DIS3: variants seen among roughly 807,000 people sequenced by gnomAD.
DIS3 encodes DIS3 exosome endoribonuclease and 3'-5' exoribonuclease.
DIS3 carries 103 observed loss-of-function variants against 113.0 expected under a neutral mutation model. The ratio of observed to expected loss-of-function variants is 0.91; its 90% confidence interval spans 0.78 to 1.07. The LOEUF is 1.07. Among genes scored for constraint, DIS3 ranks in the 50% least tolerant of loss-of-function variants. The probability of loss-of-function intolerance (pLI) is 0.00; values close to 1 mark genes in which losing one functional copy is unlikely to be tolerated. For synonymous variants in DIS3, 402 were observed against 394.3 expected, an observed-to-expected ratio of 1.02 and a Z score of -0.23; for missense variants, 1,121 against 1,167.1, an observed-to-expected ratio of 0.96 and a Z score of 0.58.
At chr13:72,771,769 T>TA (rs757905839) in intron 11 of DIS3, 26 bp downstream of exon 11, 1 of 1,605,894 alleles carries the variant, frequency 6.2e-7, no homozygotes, top group Non-Finnish European at 8.5e-7. Context: ...CCATGACTGT[T>TA]AAATTTTTAA....
rs1449766748 is a variant in DIS3, at chr13:72,768,713, T to C, written c.1883+72A>G. 11 of 1,187,884 alleles carry C rather than the reference T, an allele frequency of 9.3e-6. No individual in the cohort carries two copies. In the African/African-American group the frequency reaches 1.4e-4, roughly 15 times the overall value. 73.6% of individuals were successfully genotyped at this position (1,187,884 alleles called of 1,614,324 possible). On this transcript the variant is annotated intron_variant, in intron 14 of 20. Coordinates refer to ENST00000377767, the MANE Select transcript of DIS3 (RefSeq NM_014953.5). ...GTCTCTATTCACCCTTTTAAATAAT[T>C]CATCATTGCCTATGATCAAACAATG... is the stretch of plus-strand genomic sequence containing the variant.
At chr13:72,779,962 G>A (rs1355768100) in intron 2 of DIS3, among the ~76,000 whole-genome samples, 3 of 151,980 alleles carry the variant, frequency 2.0e-5, no homozygotes, top group Admixed American at 6.6e-5. Context: ...GTAATATAAC[G>A]TAATAGGCAA....
chr13:72,769,587 T>A (rs2033838339), intron 13 of DIS3, among the ~76,000 whole-genome samples: 1 of 151,908 alleles, frequency 6.6e-6, no homozygotes. Flanking sequence ...TCAGGTCGGA[T>A]TCCTGGGAGA....
chr13:72,776,114 A>G, intron 4 of DIS3, 22 bp from the exon 5 acceptor site: 1 of 1,574,800 alleles, frequency 6.4e-7, no homozygotes, highest in Non-Finnish European at 8.6e-7. Flanking sequence ...GCAAACCAAA[A>G]GATGCCGCTA....
intron 2 of DIS3, among the ~76,000 whole-genome samples, chr13:72,780,083 T>G (rs1032498041): frequency 6.6e-6 from 1 of 151,986 alleles, no homozygotes; most frequent in African/African-American, 2.4e-5. Flanking sequence ...ATCCCACCAC[T>G]TTGAGAGGCT....
chr13:72,772,861 A>G (rs1331650916), intron 8 of DIS3, 22 bp from the exon 9 acceptor site: 8 of 1,569,438 alleles, frequency 5.1e-6, no homozygotes, highest in African/African-American at 1.4e-5. Flanking sequence ...AGGCATTATT[A>G]GAAACGCCTA....
chr13:72,776,884 C>T (rs530706889), intron 4 of DIS3, among the ~76,000 whole-genome samples: 1 of 152,340 alleles, frequency 6.6e-6, no homozygotes, highest in East Asian at 1.9e-4. Context: ...AATACCATTT[C>T]CAATCATTCT....
chr13:72,777,644 G>A lies in DIS3; in HGVS notation c.581-151C>T, dbSNP rs2061086678. ...ACTCTGTCTCTCAGGCTGGAGTGCA[G>A]CGGCGCAATTACACATCACTACAGC... is the stretch of plus-strand genomic sequence containing the variant. On this transcript the variant is annotated intron_variant, in intron 3 of 20. Transcript: ENST00000377767. 2.3e-5 allele frequency: 16 copies of A among 704,402 alleles called. No individual in the cohort carries two copies. The South Asian group carries it at 2.9e-4, about 13-fold the overall frequency. 43.6% of individuals were successfully genotyped at this position (704,402 alleles called of 1,614,324 possible).
At chr13:72,777,764 T>TC (rs2138231217) in intron 3 of DIS3, among the ~76,000 whole-genome samples, 1 of 151,746 alleles carries the variant, frequency 6.6e-6, no homozygotes, top group South Asian at 2.1e-4. Context: ...TTTTTTTTTT[T>TC]CCTGTAGAGC....
rs535895247 is a variant in DIS3 at position 72,756,127 on chromosome 13, A to G, written c.*3668T>C. 1 of 391,176 alleles carries G rather than the reference A, an allele frequency of 2.6e-6. No individual in the cohort carries two copies. The highest frequency in any genetic ancestry group is 1.5e-4 in the South Asian group (1 of 6,878). The allele number at this position is 391,176 out of a possible 1,614,324, so 24.2% of individuals were successfully genotyped here. On this transcript the variant is annotated 3_prime_UTR_variant, in exon 21 of 21. Coordinates refer to ENST00000377767, the MANE Select transcript of DIS3 (RefSeq NM_014953.5). ...TGGAAATACTATCTTTGGAGAATGT[A>G]TTTTTGTATTTATAAATCAACTTTT... is the stretch of plus-strand genomic sequence containing the variant.
intron 13 of DIS3, 23 bp from the exon 14 acceptor site, chr13:72,768,935 T>C (rs2033820271): frequency 1.4e-6 from 2 of 1,478,194 alleles, no homozygotes; most frequent in Non-Finnish European, 1.9e-6. Context: ...ATGTATGTTA[T>C]ATAATTCTTA....
rs2033310491 is a variant in DIS3, at chr13:72,752,715, T to C, written c.*7080A>G. 6.6e-6 allele frequency: 1 copy of C among 152,178 alleles called. No homozygotes were observed. Among genetic ancestry groups the C allele is most frequent in the Non-Finnish European group, 1.5e-5 (1 of 68,024 alleles). 9.4% of individuals were successfully genotyped at this position (152,178 alleles called of 1,614,324 possible). On this transcript the variant is annotated 3_prime_UTR_variant, in exon 21 of 21. Coordinates refer to ENST00000377767, the MANE Select transcript of DIS3 (RefSeq NM_014953.5). ...GTTCTAATTGGAACATGACCTCTAGTAGTAAGCAGATATGTATCCAGCCTT... is the reference window on the plus strand; with the variant it reads ...GTTCTAATTGGAACATGACCTCTAGCAGTAAGCAGATATGTATCCAGCCTT...
At chr13:72,764,247 T>C (rs1435941157) in intron 15 of DIS3, among the ~76,000 whole-genome samples, 2 of 152,168 alleles carry the variant, frequency 1.3e-5, no homozygotes, top group Non-Finnish European at 2.9e-5. Context: ...TTTTACCAGG[T>C]CCAAAAATAT....
intron 11 of DIS3, among the ~76,000 whole-genome samples, chr13:72,771,371 A>C (rs1224364608): frequency 6.6e-6 from 1 of 152,212 alleles, no homozygotes; most frequent in Non-Finnish European, 1.5e-5. Flanking sequence ...ACTTCATGCC[A>C]ATTAATCTAA....
chr13:72,763,877 A>G (rs1412863684), intron 15 of DIS3, among the ~76,000 whole-genome samples: 1 of 152,128 alleles, frequency 6.6e-6, no homozygotes, highest in Admixed American at 6.6e-5. Flanking sequence ...AGCCAGTTGC[A>G]GTGGCTCACA....
chr13:72,767,556 T>C (rs145640437), intron 14 of DIS3, among the ~76,000 whole-genome samples: 64 of 152,264 alleles, frequency 4.2e-4, no homozygotes, highest in African/African-American at 1.4e-3. Flanking sequence ...AAAAATTCCC[T>C]GAAAACTGAG....
chr13:72,775,489 A>G, intron 5 of DIS3, 114 bp from the exon 6 acceptor site: 9 of 1,192,014 alleles, frequency 7.6e-6, no homozygotes, highest in Non-Finnish European at 8.9e-6. Flanking sequence ...TGGAATCTCT[A>G]TTTCTCCTTT....
Position 72,758,057 on chromosome 13 carries a change from A to G in DIS3, c.*1738T>C, listed in dbSNP as rs2033533883. The G allele has an allele frequency of 5.2e-6, 1 of 190,874 alleles. No individual in the cohort carries two copies. Among genetic ancestry groups the G allele is most frequent in the African/African-American group, 2.3e-5 (1 of 42,942 alleles). The allele number at this position is 190,874 out of a possible 1,614,324, so 11.8% of individuals were successfully genotyped here. A position where few individuals can be genotyped will look rare whatever the true frequency, so the allele number is the denominator to read the frequency against. The stretch of plus-strand genomic sequence containing the variant: ...AGCTTCCAGTCCTGCCAACTTGTTC[A>G]TGGTAAATGTCCTAAATAGGTGTAC... On this transcript the variant is annotated 3_prime_UTR_variant, in exon 21 of 21. Coordinates refer to ENST00000377767, the MANE Select transcript of DIS3 (RefSeq NM_014953.5).
rs45450891 is a variant in DIS3 at position 72,755,490 on chromosome 13, A to T, written c.*4305T>A. On this transcript the variant is annotated 3_prime_UTR_variant, in exon 21 of 21. Coordinates refer to ENST00000377767, the MANE Select transcript of DIS3 (RefSeq NM_014953.5). ...TTAACAACAAATTGTGACAGAGCTG[A>T]GTGCTCCTATCTTACAGGGTCAATG... 3,611 of 434,788 alleles carry T rather than the reference A, an allele frequency of 8.3e-3. 25 individuals are homozygous for T. Among genetic ancestry groups the T allele is most frequent in the Non-Finnish European group, 0.012 (2,870 of 246,304 alleles). The allele number at this position is 434,788 out of a possible 1,614,324, so 26.9% of individuals were successfully genotyped here.
Sources: allele counts gnomAD v4.1 joint callset (sites outside exome capture counted in the v4.1 genomes callset), GRCh38; gene constraint gnomAD v4.1.1; transcripts MANE v1.5; gene names NCBI Gene and HGNC (gene_info 2026-07-23, HGNC 2026-07-21).